The following AIDA variants were observed in gnomAD, a reference collection of about 807,000 sequenced individuals.
AIDA encodes axin interactor, dorsalization associated.
A neutral mutation model predicts 42.7 loss-of-function variants in AIDA; 18 were observed. The observed-to-expected ratio is 0.42, with a 90% CI of 0.29 to 0.63. The LOEUF (loss-of-function observed/expected upper bound fraction) is 0.63, where lower values mean the gene tolerates loss of function less well. Ranked by LOEUF, AIDA falls within the 20% of genes least tolerant of loss-of-function variation. The probability of loss-of-function intolerance (pLI) is 0.19; values close to 1 mark genes in which losing one functional copy is unlikely to be tolerated. For synonymous variants in AIDA, 104 were observed against 122.9 expected, an observed-to-expected ratio of 0.85 and a Z score of 1.02; for missense variants, 250 against 354.1, an observed-to-expected ratio of 0.71 and a Z score of 2.36.
At chr1:222,683,496 T>G (rs1664689015) in intron 6 of AIDA, among the ~76,000 whole-genome samples, 1 of 152,234 alleles carries the variant, frequency 6.6e-6, no homozygotes, top group African/African-American at 2.4e-5. Context: ...TATTTTGAGT[T>G]TCAAAAATAA....
At chr1:222,710,149 A>C (rs908739645) in intron 1 of AIDA, among the ~76,000 whole-genome samples, 5 of 152,244 alleles carry the variant, frequency 3.3e-5, no homozygotes, top group Non-Finnish European at 7.3e-5. Flanking sequence ...CAGATATTTC[A>C]AATGAAAAAG....
At chr1:222,692,927 A>G (rs1655407839) in intron 4 of AIDA, among the ~76,000 whole-genome samples, 1 of 152,212 alleles carries the variant, frequency 6.6e-6, no homozygotes, top group African/African-American at 2.4e-5. Context: ...TTAAAACTGA[A>G]GAATACATCA....
At chr1:222,692,332 T>C (rs1452908456) in intron 4 of AIDA, among the ~76,000 whole-genome samples, 4 of 152,158 alleles carry the variant, frequency 2.6e-5, no homozygotes, top group African/African-American at 9.7e-5. Flanking sequence ...GGATGTACCC[T>C]ACTAGTAAAA....
chr1:222,689,520 T>TATATACATACAC (rs765351898), intron 4 of AIDA, among the ~76,000 whole-genome samples: 1 of 58,102 alleles, frequency 1.7e-5, no homozygotes, highest in Non-Finnish European at 3.8e-5. Flanking sequence ...TATATATATA[T>TATATACATACAC]ACACACATAC....
rs1207467387 is a variant in AIDA at position 222,676,093 on chromosome 1, T to C, written c.583+3A>G. 1.9e-6 allele frequency: 3 copies of C among 1,560,906 alleles called. No homozygotes were observed. The highest frequency in any genetic ancestry group is 2.4e-5 in the South Asian group (2 of 81,710). ...GAAAAAAAAAGTAAACAGAGTCACT[T>C]ACCCTTTACACTAACTGTAATATAG... On this transcript the variant is annotated splice_donor_region_variant and intron_variant, in intron 7 of 9. Coordinates refer to ENST00000340020, the MANE Select transcript of AIDA (RefSeq NM_022831.4).
chr1:222,707,428 G>A (rs1413193349), intron 1 of AIDA, among the ~76,000 whole-genome samples: 2 of 152,028 alleles, frequency 1.3e-5, no homozygotes, highest in Admixed American at 6.6e-5. Context: ...CAAAGTGCTG[G>A]GATTACAGGC....
intron 6 of AIDA, among the ~76,000 whole-genome samples, chr1:222,681,348 A>G (rs1264372472): frequency 1.3e-5 from 2 of 152,200 alleles, no homozygotes; most frequent in Non-Finnish European, 2.9e-5. Flanking sequence ...TTTATTCAAC[A>G]AAGACCAGTT....
Position 222,698,860 on chromosome 1 carries a change from C to T in AIDA, c.180+4288G>A, listed in dbSNP as rs149612321. ...GTTTGTTTTGAGACAGAGTCTAGCT[C>T]TGTAGCCCAGGGTGGAGTACAGTGG... On this transcript the variant is annotated intron_variant, in intron 2 of 9. Transcript: ENST00000340020. Among the ~76,000 whole-genome samples, 8 of 152,270 alleles carry T rather than the reference C, an allele frequency of 5.3e-5. No homozygotes were observed. In the East Asian group the frequency reaches 1.5e-3, roughly 29 times the overall value.
At chr1:222,700,486 G>A (rs1395982713) in intron 2 of AIDA, among the ~76,000 whole-genome samples, 2 of 152,072 alleles carry the variant, frequency 1.3e-5, no homozygotes, top group African/African-American at 4.8e-5. Context: ...GGCCGGGCGC[G>A]GTGGCTCACG....
intron 8 of AIDA, among the ~76,000 whole-genome samples, chr1:222,670,637 G>A (rs1664430332): frequency 6.6e-6 from 1 of 152,096 alleles, no homozygotes; most frequent in Non-Finnish European, 1.5e-5. Flanking sequence ...ATTTAAAAGA[G>A]TTCCTAAAAA....
chr1:222,699,282 T>C (rs1558214746), intron 2 of AIDA, among the ~76,000 whole-genome samples: 1 of 152,258 alleles, frequency 6.6e-6, no homozygotes, highest in Non-Finnish European at 1.5e-5. Flanking sequence ...ACAACAATTT[T>C]GCTTAGCATA....
chr1:222,674,963 A>C (rs963411216), intron 7 of AIDA, among the ~76,000 whole-genome samples: 1 of 152,178 alleles, frequency 6.6e-6, no homozygotes, highest in Non-Finnish European at 1.5e-5. Flanking sequence ...CAGTTCTGTA[A>C]ATGACCTATC....
At chr1:222,681,660 C>CA (rs5781282) in intron 6 of AIDA, among the ~76,000 whole-genome samples, 1,769 of 151,460 alleles carry the variant, frequency 0.012, 39 homozygotes, top group African/African-American at 0.04. Context: ...GAGACTGTCT[C>CA]AAAAAAAAGA....
chr1:222,698,650 C>T (rs1477051496), intron 2 of AIDA, among the ~76,000 whole-genome samples: 5 of 151,936 alleles, frequency 3.3e-5, no homozygotes, highest in Non-Finnish European at 7.4e-5. Context: ...GGGGTTTCTC[C>T]GTGTTGGGCA....
chr1:222,694,548 G>C (rs1655461605), intron 2 of AIDA, among the ~76,000 whole-genome samples: 1 of 152,096 alleles, frequency 6.6e-6, no homozygotes. Context: ...AGGGCTGCCT[G>C]GTATCTTCTG....
At chr1:222,684,649 G>C (rs1319799746) in intron 6 of AIDA, among the ~76,000 whole-genome samples, 1 of 152,028 alleles carries the variant, frequency 6.6e-6, no homozygotes, top group Non-Finnish European at 1.5e-5. Context: ...TTCTTTTAGG[G>C]GGGAAAAAAA....
At chr1:222,672,256 A>C (rs1302809725) in intron 8 of AIDA, among the ~76,000 whole-genome samples, 2 of 152,280 alleles carry the variant, frequency 1.3e-5, no homozygotes, top group South Asian at 4.1e-4. Context: ...AAAATAGAAA[A>C]GTTAGCCCAT....
At chr1:222,694,058 C>T (rs902096930) in intron 3 of AIDA, 152 bp downstream of exon 3, 32 of 845,350 alleles carry the variant, frequency 3.8e-5, no homozygotes, top group Non-Finnish European at 3.9e-5. Context: ...TTACAATTTA[C>T]GAAATATGAA....
At chr1:222,700,625 G>A (rs201662416) in intron 2 of AIDA, among the ~76,000 whole-genome samples, 86,802 of 151,220 alleles carry the variant, frequency 0.57, 25,107 homozygotes, top group Non-Finnish European at 0.62. Flanking sequence ...GCGCGGTGGC[G>A]GGCGCCTTAG....
Sources: gnomAD v4.1 joint callset for allele counts (sites outside exome capture counted in the v4.1 genomes callset) on GRCh38, gnomAD v4.1.1 for gene constraint, MANE v1.5 for transcripts, NCBI Gene and HGNC (gene_info 2026-07-23, HGNC 2026-07-21) for gene names.